ARHGAP25: variants seen among roughly 807,000 people sequenced by gnomAD.
The protein encoded by ARHGAP25 is Rho GTPase activating protein 25.
Under a neutral mutation model 71.0 loss-of-function variants are expected in ARHGAP25, and 34 were observed. That is an observed-to-expected ratio of 0.48 (90% CI 0.36 to 0.64). ARHGAP25 has a LOEUF of 0.64. ARHGAP25 is among the 30% of genes least tolerant of loss of function. The probability of loss-of-function intolerance (pLI) is 0.00; values close to 1 mark genes in which losing one functional copy is unlikely to be tolerated. For synonymous variants in ARHGAP25, 282 were observed against 296.5 expected (o/e 0.95, Z 0.50); for missense variants, 706 against 805.1 (o/e 0.88, Z 1.49).
intron 8 of ARHGAP25, 51 bp from the exon 9 acceptor site, chr2:68,819,072 G>A (rs760085818): frequency 6.8e-7 from 1 of 1,467,934 alleles, no homozygotes; most frequent in Non-Finnish European, 9.2e-7. Flanking sequence ...CTTGAGGACT[G>A]ACTACCTGCC....
At chr2:68,746,703 A>ACCCCCCCCCC (rs370621628) in intron 1 of ARHGAP25, among the ~76,000 whole-genome samples, 1 of 139,660 alleles carries the variant, frequency 7.2e-6, no homozygotes, top group Non-Finnish European at 1.6e-5. Context: ...GACAGGGACC[A>ACCCCCCCCCC]CCCCCCTCCC....
intron 2 of ARHGAP25, 120 bp from the exon 3 acceptor site, chr2:68,782,113 C>G (rs1285388705): frequency 2.3e-6 from 2 of 864,800 alleles, no homozygotes; most frequent in Non-Finnish European, 3.6e-6. Flanking sequence ...GGCTAGCTTC[C>G]CATGTCCCTA....
At chr2:68,762,025 T>G (rs566560642) in intron 1 of ARHGAP25, among the ~76,000 whole-genome samples, 104 of 152,230 alleles carry the variant, frequency 6.8e-4, no homozygotes, top group Admixed American at 1.2e-3. Context: ...ATGTGGTATA[T>G]ACATTCAATA....
intron 2 of ARHGAP25, among the ~76,000 whole-genome samples, chr2:68,775,938 G>T (rs1677869711): frequency 6.6e-6 from 1 of 152,224 alleles, no homozygotes; most frequent in Admixed American, 6.5e-5. Context: ...TTAGAGAAAA[G>T]ATTAGTTCTA....
At chr2:68,728,890 T>C (rs1674942868) in intron 2 of ARHGAP25, among the ~76,000 whole-genome samples, 1 of 152,176 alleles carries the variant, frequency 6.6e-6, no homozygotes, top group Non-Finnish European at 1.5e-5. Flanking sequence ...ATTTGATCTA[T>C]CCACACAATG....
intron 2 of ARHGAP25, among the ~76,000 whole-genome samples, chr2:68,782,020 T>G (rs1356908708): frequency 3.3e-5 from 5 of 152,204 alleles, no homozygotes; most frequent in Admixed American, 3.3e-4. Context: ...TGTCTTTCTC[T>G]GGGCACCTGA....
chr2:68,820,863 C>G (rs1187880104), intron 9 of ARHGAP25, among the ~76,000 whole-genome samples: 2 of 151,896 alleles, frequency 1.3e-5, no homozygotes, highest in Non-Finnish European at 2.9e-5. Context: ...AATTCTCTCT[C>G]TCTCTACAGT....
At chr2:68,732,678 C>T (rs1376083732), upstream of ARHGAP25, among the ~76,000 whole-genome samples, 4 of 152,190 alleles carry the variant, frequency 2.6e-5, no homozygotes, top group African/African-American at 9.7e-5. Flanking sequence ...CTTCTCCCTC[C>T]CCACTGCTGC....
intron 1 of ARHGAP25, among the ~76,000 whole-genome samples, chr2:68,763,752 G>C (rs1314453681): frequency 1.3e-5 from 2 of 152,152 alleles, no homozygotes; most frequent in African/African-American, 2.4e-5. Flanking sequence ...CACATAAAAA[G>C]TGTAGAAAAT....
chr2:68,739,456 G>A (rs1393757437), intron 1 of ARHGAP25, among the ~76,000 whole-genome samples: 4 of 152,220 alleles, frequency 2.6e-5, no homozygotes, highest in African/African-American at 9.7e-5. Flanking sequence ...CAGCTGGAAT[G>A]TGATCCTTTT....
chr2:68,712,452 G>T (rs905088602), intron 2 of ARHGAP25, among the ~76,000 whole-genome samples: 1 of 152,112 alleles, frequency 6.6e-6, no homozygotes, highest in Non-Finnish European at 1.5e-5. Flanking sequence ...CTCCCATTTT[G>T]TAGGTTGCCT....
intron 2 of ARHGAP25, among the ~76,000 whole-genome samples, chr2:68,777,495 G>A (rs1182440589): frequency 6.6e-6 from 1 of 152,180 alleles, no homozygotes; most frequent in African/African-American, 2.4e-5. Context: ...AATATCTGAA[G>A]GTTCTTGCTT....
intron 1 of ARHGAP25, among the ~76,000 whole-genome samples, chr2:68,747,630 C>T (rs1460975677): frequency 6.6e-6 from 1 of 152,208 alleles, no homozygotes; most frequent in Non-Finnish European, 1.5e-5. Context: ...CACATCTCCA[C>T]CTGAATATCT....
chr2:68,777,507 T>C (rs1558630575), intron 2 of ARHGAP25, among the ~76,000 whole-genome samples: 1 of 152,218 alleles, frequency 6.6e-6, no homozygotes, highest in Non-Finnish European at 1.5e-5. Context: ...TTCTTGCTTC[T>C]CCTCCTTACT....
intron 4 of ARHGAP25, among the ~76,000 whole-genome samples, chr2:68,806,498 T>C (rs1053614893): frequency 6.6e-6 from 1 of 152,200 alleles, no homozygotes. Flanking sequence ...CTATACACAT[T>C]ATGTCTTTTC....
upstream of ARHGAP25, among the ~76,000 whole-genome samples, chr2:68,732,154 G>C (rs1259805432): frequency 2.0e-5 from 3 of 152,184 alleles, no homozygotes; most frequent in Non-Finnish European, 4.4e-5. Context: ...GTACCCAGTT[G>C]ACTGACCGAG....
intron 1 of ARHGAP25, among the ~76,000 whole-genome samples, chr2:68,755,380 G>A (rs1676414937): frequency 6.6e-6 from 1 of 152,114 alleles, no homozygotes; most frequent in East Asian, 1.9e-4. Context: ...AGTGCTGGAA[G>A]ATTGTAATGA....
chr2:68,794,906 G>A (rs906123032), intron 4 of ARHGAP25, among the ~76,000 whole-genome samples: 3 of 151,902 alleles, frequency 2.0e-5, no homozygotes, highest in Non-Finnish European at 4.4e-5. Context: ...CTGGTCCTGG[G>A]TTTTTCTTTT....
intron 6 of ARHGAP25, 54 bp from the exon 7 acceptor site, chr2:68,816,235 C>T (rs1681224703): frequency 6.8e-7 from 1 of 1,470,182 alleles, no homozygotes; most frequent in African/African-American, 1.4e-5. Flanking sequence ...CTTGCTGGCA[C>T]ATGGGCAGGC....
Sources: allele counts gnomAD v4.1 joint callset (sites outside exome capture counted in the v4.1 genomes callset), GRCh38; gene constraint gnomAD v4.1.1; transcripts MANE v1.5; gene names NCBI Gene and HGNC (gene_info 2026-07-23, HGNC 2026-07-21).